Variants in LRRD1 observed in about 807,000 individuals in gnomAD.
The protein encoded by LRRD1 is leucine-rich repeat and death domain-containing protein 1.
A neutral mutation model predicts 69.5 loss-of-function variants in LRRD1; 49 were observed. The ratio of observed to expected loss-of-function variants is 0.70; its 90% CI spans 0.56 to 0.89. The LOEUF is 0.89. LRRD1 is among the 40% of genes least tolerant of loss of function. The pLI is 0.00. For synonymous variants in LRRD1, 303 were observed against 338.9 expected, an observed-to-expected ratio of 0.89 and a Z score of 1.16; for missense variants, 853 against 956.0, an observed-to-expected ratio of 0.89 and a Z score of 1.42.
intron 3 of LRRD1, among the ~76,000 whole-genome samples, chr7:92,157,173 A>G (rs1325683544): frequency 6.6e-6 from 1 of 151,720 alleles, no homozygotes; most frequent in Non-Finnish European, 1.5e-5. Flanking sequence ...TGGGATTACA[A>G]GCATAAACCA....
rs1443149576 is a variant in LRRD1, at chr7:92,164,755, C to A, written c.448G>T (p.Ala150Ser). ...GADNFTVNLE[A>S]KGLQEFPKDI... Reference sequence around the variant, plus strand: ...TTAGGAAATTCCTGTAAACCCTTGGCCTCAAGGTTAACTGTAAAGTTATCT... The same window carrying A: ...TTAGGAAATTCCTGTAAACCCTTGGACTCAAGGTTAACTGTAAAGTTATCT... Residue 150 changes from alanine to serine, a missense_variant, in exon 2 of 6, where the codon GCC becomes TCC. Coordinates refer to ENST00000458448, the MANE Select transcript of LRRD1 (RefSeq NM_001161528.2). 2 of 1,551,258 alleles carry A rather than the reference C, an allele frequency of 1.3e-6. No homozygotes were observed. The highest frequency in any genetic ancestry group is 2.4e-5 in the South Asian group (2 of 83,998).
chr7:92,156,230 A>G (rs1293772700), intron 3 of LRRD1, among the ~76,000 whole-genome samples: 1 of 152,210 alleles, frequency 6.6e-6, no homozygotes, highest in East Asian at 1.9e-4. Flanking sequence ...AAGTCTTGAA[A>G]TCAGGTTGTG....
chr7:92,150,373 G>A (rs951177580), intron 4 of LRRD1, among the ~76,000 whole-genome samples, 161 bp downstream of exon 4: 1 of 152,156 alleles, frequency 6.6e-6, no homozygotes, highest in Admixed American at 6.6e-5. Context: ...GCTGAGGTGG[G>A]AGGATCACTT....
intron 1 of LRRD1, among the ~76,000 whole-genome samples, chr7:92,172,479 C>A (rs1006501513): frequency 2.0e-5 from 3 of 151,826 alleles, no homozygotes; most frequent in East Asian, 1.9e-4. Flanking sequence ...AGAACTAATA[C>A]ATTCGGTAAA....
Position 92,144,927 on chromosome 7 carries a change from T to C in LRRD1, c.2544A>G (p.Ile848Met), listed in dbSNP as rs990843569. The C allele has an allele frequency of 1.9e-4, 285 of 1,530,860 alleles. No individual in the cohort carries two copies. Among genetic ancestry groups the C allele is most frequent in the Non-Finnish European group, 2.4e-4 (277 of 1,134,848 alleles). The allele number at this position is 1,530,860 out of a possible 1,614,324, so 94.8% of individuals were successfully genotyped here. A position where few individuals can be genotyped will look rare whatever the true frequency, so the allele number is the denominator to read the frequency against. ...CACGCGTAAAAAGATTTAAAGCTGT[T>C]ATTTTGTCCATAATTTCATATGCTC... The part of the protein sequence containing the change: ...MIGAYEIMDK[I>M]TALNLFTRAI... Residue 848 changes from isoleucine to methionine, a missense_variant, in exon 6 of 6, where the codon ATA (isoleucine) becomes ATG (methionine). Around this residue, in one of 3 missense-constraint regions of LRRD1, gnomAD observed 739 missense variants for 808.0 expected, o/e 0.91. Transcript: ENST00000458448.
At chr7:92,160,051 T>C (rs1788765635) in intron 2 of LRRD1, among the ~76,000 whole-genome samples, 1 of 152,054 alleles carries the variant, frequency 6.6e-6, no homozygotes, top group Non-Finnish European at 1.5e-5. Flanking sequence ...AATAATGGAG[T>C]CACAGTTTGG....
chr7:92,163,514 T>G lies in LRRD1; in HGVS notation c.1689A>C (p.Leu563Phe), dbSNP rs752080771. 3 of 1,525,226 alleles carry G rather than the reference T, an allele frequency of 2.0e-6. No homozygotes were observed. The allele number at this position is 1,525,226 out of a possible 1,614,324, so 94.5% of individuals were successfully genotyped here. A position where few individuals can be genotyped will look rare whatever the true frequency, so the allele number is the denominator to read the frequency against. ...GGAAAGTTTCAAATTTATTACAGCA[T>G]AAAATAAGTACGTGGAGTGATATCA... ...SNMISLHVLILCCNKFETFPR... is the reference protein window; with the variant it reads ...SNMISLHVLIFCCNKFETFPR... Residue 563 changes from leucine to phenylalanine, a missense_variant, in exon 2 of 6, where the codon TTA becomes TTC. This residue lies in a region of LRRD1 where 739 missense variants were observed against 808.0 expected (regional missense o/e 0.91). Coordinates refer to ENST00000458448, the MANE Select transcript of LRRD1 (RefSeq NM_001161528.2).
chr7:92,174,503 ATATATATTTTTTTTTTTTTT>A (rs1341668274), intron 1 of LRRD1, among the ~76,000 whole-genome samples: 2 of 20,118 alleles, frequency 9.9e-5, no homozygotes, highest in African/African-American at 4.3e-4. Context: ...ATATATATAT[ATATATATTTTTTTTTTTTTT>A]TTTTTTTTTT....
chr7:92,172,734 G>C (rs1789083711), intron 1 of LRRD1, among the ~76,000 whole-genome samples: 1 of 151,982 alleles, frequency 6.6e-6, no homozygotes, highest in Non-Finnish European at 1.5e-5. Flanking sequence ...TTGATTGGAA[G>C]AATCAGTATT....
In LRRD1 at chr7:92,163,599, A is replaced by C; in HGVS notation, c.1604T>G (p.Leu535Arg). The C allele has an allele frequency of 6.6e-7, 1 of 1,525,806 alleles. No individual in the cohort carries two copies. The highest frequency in any genetic ancestry group is 8.8e-7 in the Non-Finnish European group (1 of 1,139,778). The allele number at this position is 1,525,806 out of a possible 1,614,324, so 94.5% of individuals were successfully genotyped here. Residue 535 changes from leucine to arginine, a missense_variant, in exon 2 of 6, where the codon CTT becomes CGT. Coordinates refer to ENST00000458448, the MANE Select transcript of LRRD1 (RefSeq NM_001161528.2). ...GTTTTTACCAAGATCCAGGTATTTAAGATTAATAAGAGAACAAAAGTGCTC... is the reference window on the plus strand; with the variant it reads ...GTTTTTACCAAGATCCAGGTATTTACGATTAATAAGAGAACAAAAGTGCTC... ...FSEHFCSLINLKYLDLGKNQI... is the reference protein window; with the variant it reads ...FSEHFCSLINRKYLDLGKNQI...
intron 1 of LRRD1, among the ~76,000 whole-genome samples, chr7:92,166,280 T>G (rs1031060178): frequency 6.6e-6 from 1 of 152,228 alleles, no homozygotes; most frequent in African/African-American, 2.4e-5. Context: ...ATGTTTACTA[T>G]CTCTGTGTTG....
chr7:92,167,803 G>C (rs2131014337), intron 1 of LRRD1, among the ~76,000 whole-genome samples: 1 of 143,328 alleles, frequency 7.0e-6, no homozygotes. Flanking sequence ...CATGAACCCG[G>C]GAGGCGGAGC....
At chr7:92,147,088 G>A (rs1352998791) in intron 4 of LRRD1, among the ~76,000 whole-genome samples, 2 of 143,832 alleles carry the variant, frequency 1.4e-5, no homozygotes, top group African/African-American at 5.2e-5. Context: ...TTTTGAGACA[G>A]AGTTTCACTC....
At chr7:92,177,402 G>A (rs543741933) in intron 1 of LRRD1, among the ~76,000 whole-genome samples, 2 of 152,184 alleles carry the variant, frequency 1.3e-5, no homozygotes, top group African/African-American at 4.8e-5. Context: ...AATGGTTAGT[G>A]GTTTGTTCAG....
intron 3 of LRRD1, among the ~76,000 whole-genome samples, chr7:92,155,602 A>AG (rs1213320500): frequency 6.6e-6 from 1 of 152,074 alleles, no homozygotes; most frequent in East Asian, 1.9e-4. Flanking sequence ...CAGGACTAAT[A>AG]GGATAGATAT....
chr7:92,144,628 CAA>C (rs61338977), downstream of LRRD1, among the ~76,000 whole-genome samples: 29,248 of 85,246 alleles, frequency 0.34, 3,141 homozygotes, highest in Non-Finnish European at 0.42. Flanking sequence ...AACTCCATCT[CAA>C]AAAAAAAAAA....
At chr7:92,167,005 A>G (rs1467266796) in intron 1 of LRRD1, among the ~76,000 whole-genome samples, 2 of 152,236 alleles carry the variant, frequency 1.3e-5, no homozygotes, top group African/African-American at 2.4e-5. Flanking sequence ...TATGTAGAAA[A>G]TCCAAGCTCA....
At chr7:92,155,633 A>T (rs1037668606) in intron 3 of LRRD1, among the ~76,000 whole-genome samples, 8 of 152,192 alleles carry the variant, frequency 5.3e-5, no homozygotes, top group African/African-American at 1.9e-4. Context: ...AAGGGAGTTT[A>T]TTAAGGAGTA....
At chr7:92,145,454 T>C (rs1820297159) in intron 5 of LRRD1, among the ~76,000 whole-genome samples, 2 of 150,824 alleles carry the variant, frequency 1.3e-5, no homozygotes, top group South Asian at 4.2e-4. Context: ...TTTTTTTTTT[T>C]TTTTTTAGAC....
Sources: gnomAD v4.1 joint callset for allele counts (sites outside exome capture counted in the v4.1 genomes callset) on GRCh38, gnomAD v4.1.1 for gene constraint, gnomAD v4.1.1 regional missense constraint, MANE v1.5 for transcripts, NCBI Gene and HGNC (gene_info 2026-07-23, HGNC 2026-07-21) for gene names.